LY86: variants seen among roughly 807,000 people sequenced by gnomAD.
LY86 encodes MD-1, RP105-associated.
Under a neutral mutation model 17.3 loss-of-function variants are expected in LY86, and 20 were observed. The ratio of observed to expected loss-of-function variants is 1.15; its 90% CI spans 0.81 to 1.68. The LOEUF (loss-of-function observed/expected upper bound fraction) is 1.68. LY86 is among the 40% of genes most tolerant of loss of function. The pLI, the probability that LY86 is intolerant of heterozygous loss-of-function variation, is 0.00. For synonymous variants in LY86, 74 were observed against 70.6 expected (o/e 1.05, Z -0.24); for missense variants, 200 against 191.9 (o/e 1.04, Z -0.25).
intron 1 of LY86, among the ~76,000 whole-genome samples, chr6:6,601,533 T>A (rs1760908487): frequency 6.6e-6 from 1 of 152,084 alleles, no homozygotes; most frequent in African/African-American, 2.4e-5. Context: ...CCATCCTGGC[T>A]AACACAGTGA....
chr6:6,608,615 G>GT (rs1253365982), intron 1 of LY86, among the ~76,000 whole-genome samples: 1 of 152,214 alleles, frequency 6.6e-6, no homozygotes, highest in African/African-American at 2.4e-5. Context: ...AGTTGTATCA[G>GT]TTTTGTCCAG....
At position 6,588,848 on chromosome 6, in the gene LY86, G is replaced by C; in HGVS notation, c.114G>C (p.Leu38Phe). 6.2e-7 allele frequency: 1 copy of C among 1,614,062 alleles called. No homozygotes were observed. Among genetic ancestry groups the C allele is most frequent in the Non-Finnish European group, 8.5e-7 (1 of 1,179,968 alleles). Residue 38 changes from leucine (L) to phenylalanine (F), a missense_variant, in exon 1 of 5, where the codon TTG becomes TTC. Transcript: ENST00000230568. The stretch of plus-strand genomic sequence containing the variant: ...ACGTGGTCTGTAGCGACAGCGGCTT[G>C]GAAGTGCTCTACCAGAGTTGCGGTA... ...PTHVVCSDSG[L>F]EVLYQSCDPL...
chr6:6,605,976 G>A (rs969317601), intron 1 of LY86, among the ~76,000 whole-genome samples: 12 of 152,164 alleles, frequency 7.9e-5, no homozygotes, highest in East Asian at 1.9e-4. Flanking sequence ...CCCAAAGAGC[G>A]ACCACCAGCA....
intron 3 of LY86, among the ~76,000 whole-genome samples, chr6:6,645,598 T>G (rs1275097326): frequency 6.6e-6 from 1 of 151,938 alleles, no homozygotes; most frequent in Non-Finnish European, 1.5e-5. Context: ...AGAATATACC[T>G]GCACAATTTG....
chr6:6,643,107 T>A (rs553955116), intron 3 of LY86, among the ~76,000 whole-genome samples: 30 of 152,356 alleles, frequency 2.0e-4, no homozygotes, highest in African/African-American at 6.3e-4. Context: ...CTCCTTTGGA[T>A]ATATAAATAC....
chr6:6,623,112 A>C (rs1284784878), intron 1 of LY86, among the ~76,000 whole-genome samples: 1 of 152,242 alleles, frequency 6.6e-6, no homozygotes, highest in Admixed American at 6.5e-5. Context: ...AACGAAGACC[A>C]TATCAGTTAT....
At chr6:6,637,817 C>G (rs1354731887) in intron 3 of LY86, among the ~76,000 whole-genome samples, 1 of 152,226 alleles carries the variant, frequency 6.6e-6, no homozygotes, top group Non-Finnish European at 1.5e-5. Context: ...AATTTCTTCT[C>G]TTTGCTTCCA....
chr6:6,608,963 T>C (rs1485355227), intron 1 of LY86, among the ~76,000 whole-genome samples: 1 of 152,266 alleles, frequency 6.6e-6, no homozygotes, highest in Non-Finnish European at 1.5e-5. Context: ...AAAAGTATTT[T>C]TTATTCCCCT....
At chr6:6,652,511 G>A (rs369887939) in intron 4 of LY86, among the ~76,000 whole-genome samples, 12 of 152,192 alleles carry the variant, frequency 7.9e-5, no homozygotes, top group Non-Finnish European at 5.9e-5. Flanking sequence ...CCCTTGGCCC[G>A]GATTGAAGCC....
chr6:6,643,621 C>T (rs1282918863), intron 3 of LY86, among the ~76,000 whole-genome samples: 6 of 152,262 alleles, frequency 3.9e-5, no homozygotes, highest in South Asian at 4.1e-4. Flanking sequence ...GTGTATTGTG[C>T]GTTGCTAACG....
chr6:6,619,748 G>A (rs1761632238), intron 1 of LY86, among the ~76,000 whole-genome samples: 1 of 152,216 alleles, frequency 6.6e-6, no homozygotes, highest in South Asian at 2.1e-4. Context: ...ATGTTAAGAT[G>A]TGTTTGAAGA....
chr6:6,612,466 A>T (rs1413712904), intron 1 of LY86, among the ~76,000 whole-genome samples: 1 of 152,206 alleles, frequency 6.6e-6, no homozygotes, highest in Non-Finnish European at 1.5e-5. Context: ...CACTTCATAA[A>T]AGCAATGCAG....
chr6:6,612,553 A>C (rs565623028), intron 1 of LY86, among the ~76,000 whole-genome samples: 32 of 152,132 alleles, frequency 2.1e-4, no homozygotes, highest in African/African-American at 7.2e-4. Flanking sequence ...CAACGAAACA[A>C]CCAGTTGTCA....
intron 1 of LY86, among the ~76,000 whole-genome samples, chr6:6,604,118 G>C (rs921612253): frequency 6.6e-6 from 1 of 152,064 alleles, no homozygotes; most frequent in African/African-American, 2.4e-5. Flanking sequence ...TAGGCAGAAG[G>C]AAATATTAAT....
intron 3 of LY86, among the ~76,000 whole-genome samples, chr6:6,633,328 A>C (rs1761920856): frequency 6.6e-6 from 1 of 152,258 alleles, no homozygotes; most frequent in South Asian, 2.1e-4. Flanking sequence ...GTAGAGACTC[A>C]GATTAAAGCC....
At chr6:6,623,783 C>T (rs1761729146) in intron 1 of LY86, among the ~76,000 whole-genome samples, 2 of 152,190 alleles carry the variant, frequency 1.3e-5, no homozygotes, top group South Asian at 4.1e-4. Context: ...AAAAATAGCT[C>T]TCCTATCTCC....
At position 6,613,909 on chromosome 6, in the gene LY86, G is replaced by A. The variant is rs990873597; in HGVS notation, c.137-11017G>A. Among the ~76,000 whole-genome samples, 4 of 152,254 alleles carry A rather than the reference G, an allele frequency of 2.6e-5. No homozygotes were observed. The East Asian group carries it at 7.7e-4, about 29-fold the overall frequency. On this transcript the variant is annotated intron_variant, in intron 1 of 4. Transcript: ENST00000230568. ...TGCAGTGTAAAGAGCGAAGCAAGGT[G>A]TTGCTAGAGTGGGGAATTCAGAAAT...
chr6:6,633,919 C>CA (rs3840176), intron 3 of LY86, among the ~76,000 whole-genome samples: 44,701 of 152,028 alleles, frequency 0.29, 6,849 homozygotes, highest in Middle Eastern at 0.39. Flanking sequence ...TGTGTGTATA[C>CA]ACTGAGTGTA....
At chr6:6,592,954 A>G (rs1760579460) in intron 1 of LY86, among the ~76,000 whole-genome samples, 1 of 152,248 alleles carries the variant, frequency 6.6e-6, no homozygotes, top group African/African-American at 2.4e-5. Flanking sequence ...CATGAGAGGT[A>G]AGAGCTTAGA....
Sources: gnomAD v4.1 joint callset for allele counts (sites outside exome capture counted in the v4.1 genomes callset) on GRCh38, gnomAD v4.1.1 for gene constraint, MANE v1.5 for transcripts, NCBI Gene and HGNC (gene_info 2026-07-23, HGNC 2026-07-21) for gene names.